DENND1A: variants seen among roughly 807,000 people sequenced by gnomAD.
The protein encoded by DENND1A is DENN domain-containing protein 1A.
Under a neutral mutation model 113.7 loss-of-function variants are expected in DENND1A, and 51 were observed. The observed-to-expected ratio is 0.45, with a 90% CI of 0.36 to 0.57. The LOEUF is 0.57. Among genes scored for constraint, DENND1A ranks in the 20% least tolerant of loss-of-function variants. The pLI is 0.00. For missense variants in DENND1A, 1,258 were observed against 1,395.9 expected, an observed-to-expected ratio of 0.90 and a Z score of 1.57; for synonymous variants, 565 against 570.8, an observed-to-expected ratio of 0.99 and a Z score of 0.14.
intron 1 of DENND1A, among the ~76,000 whole-genome samples, chr9:123,881,585 T>C (rs2133599210): frequency 6.6e-6 from 1 of 152,344 alleles, no homozygotes; most frequent in East Asian, 1.9e-4. Context: ...CCCACATTTT[T>C]ACTCAAGTTT....
intron 21 of DENND1A, 46 bp from the exon 22 acceptor site, chr9:123,387,904 C>T (rs879344649): frequency 7.5e-5 from 96 of 1,278,656 alleles, no homozygotes; most frequent in East Asian, 4.5e-4. Flanking sequence ...CAGTTAGGGG[C>T]GCCCTCAGAA....
At chr9:123,454,970 C>T (rs367912079) in intron 15 of DENND1A, among the ~76,000 whole-genome samples, 191 bp from the exon 16 acceptor site, 5 of 151,826 alleles carry the variant, frequency 3.3e-5, no homozygotes, top group Admixed American at 2.6e-4. Flanking sequence ...TACAGGTGCC[C>T]GCCACCACAC....
intron 13 of DENND1A, among the ~76,000 whole-genome samples, chr9:123,494,636 AAC>A (rs2051695588): frequency 6.6e-6 from 1 of 152,144 alleles, no homozygotes; most frequent in South Asian, 2.1e-4. Flanking sequence ...TATTAAAGGA[AAC>A]ACAGTCTGAT....
chr9:123,810,141 G>A (rs558931840), intron 2 of DENND1A, among the ~76,000 whole-genome samples: 1 of 152,236 alleles, frequency 6.6e-6, no homozygotes, highest in Admixed American at 6.5e-5. Flanking sequence ...GAATAACAAA[G>A]ATTACTGGCC....
intron 13 of DENND1A, among the ~76,000 whole-genome samples, chr9:123,513,104 T>TA (rs1380128053): frequency 4.6e-5 from 7 of 152,244 alleles, no homozygotes; most frequent in Non-Finnish European, 8.8e-5. Context: ...AAGGCCTGTT[T>TA]ACCTGTTGGC....
chr9:123,575,239 C>G (rs1411571271), intron 12 of DENND1A, among the ~76,000 whole-genome samples: 1 of 152,166 alleles, frequency 6.6e-6, no homozygotes, highest in Admixed American at 6.5e-5. Context: ...AAGGAGCACA[C>G]AACCTACATC....
chr9:123,442,877 G>T (rs1005735208), intron 18 of DENND1A, among the ~76,000 whole-genome samples: 1 of 152,140 alleles, frequency 6.6e-6, no homozygotes, highest in African/African-American at 2.4e-5. Flanking sequence ...CAAAGCTACT[G>T]GGAGAATGGG....
At chr9:123,615,087 G>A (rs1003210697) in intron 10 of DENND1A, among the ~76,000 whole-genome samples, 1 of 152,216 alleles carries the variant, frequency 6.6e-6, no homozygotes, top group Non-Finnish European at 1.5e-5. Context: ...CTTAGTGAGA[G>A]CGATGAGACA....
rs543717318 is a variant in DENND1A at position 123,914,581 on chromosome 9, G to T, written c.17+15308C>A. ...AAAAAAAAGAAATACCCAAGACTGG[G>T]TAATTGATAAAGAAAAGAGGTTTAA... On this transcript the variant is annotated intron_variant, in intron 1 of 23. Transcript: ENST00000394215. Among the ~76,000 whole-genome samples, 40 of 151,708 alleles carry T rather than the reference G, an allele frequency of 2.6e-4. No homozygotes were observed. In the South Asian group the frequency reaches 2.9e-3, roughly 11 times the overall value.
intron 11 of DENND1A, among the ~76,000 whole-genome samples, chr9:123,598,546 C>G (rs377368084): frequency 6.6e-6 from 1 of 151,222 alleles, no homozygotes; most frequent in African/African-American, 2.4e-5. Flanking sequence ...TTTATACCAG[C>G]GAAAATCTAA....
At chr9:123,815,652 A>C in intron 2 of DENND1A, among the ~76,000 whole-genome samples, 1 of 152,168 alleles carries the variant, frequency 6.6e-6, no homozygotes, top group East Asian at 1.9e-4. Flanking sequence ...TAAAAATATT[A>C]ATTTAATATT....
At chr9:123,545,346 G>A (rs2056591282) in intron 13 of DENND1A, among the ~76,000 whole-genome samples, 1 of 152,086 alleles carries the variant, frequency 6.6e-6, no homozygotes. Flanking sequence ...TGAGGGTGGG[G>A]ATGAAATCAA....
At chr9:123,449,550 G>C (rs1423152963) in intron 18 of DENND1A, among the ~76,000 whole-genome samples, 3 of 144,154 alleles carry the variant, frequency 2.1e-5, no homozygotes, top group Admixed American at 6.9e-5. Flanking sequence ...AAAAAAAAAA[G>C]GTGGCAACAA....
At chr9:123,584,436 G>A (rs1050208574) in intron 11 of DENND1A, among the ~76,000 whole-genome samples, 1 of 152,186 alleles carries the variant, frequency 6.6e-6, no homozygotes, top group African/African-American at 2.4e-5. Flanking sequence ...CCTGCCGAGT[G>A]GCACCAGTCG....
chr9:123,438,905 A>T (rs564824517), intron 19 of DENND1A, among the ~76,000 whole-genome samples: 11 of 152,244 alleles, frequency 7.2e-5, no homozygotes, highest in Non-Finnish European at 1.2e-4. Flanking sequence ...CGAAAATGGA[A>T]TGTTTAACAC....
chr9:123,887,659 G>A (rs867531867), intron 1 of DENND1A, among the ~76,000 whole-genome samples: 1 of 151,820 alleles, frequency 6.6e-6, no homozygotes, highest in Non-Finnish European at 1.5e-5. Context: ...TTCCCAGAGT[G>A]AGTGGGAGTC....
chr9:123,921,267 T>C (rs1330581533), intron 1 of DENND1A, among the ~76,000 whole-genome samples: 7 of 152,236 alleles, frequency 4.6e-5, no homozygotes, highest in Non-Finnish European at 2.9e-5. Context: ...ATATCTCTTT[T>C]AATTATCACA....
At chr9:123,664,700 C>A (rs1057121722) in intron 8 of DENND1A, among the ~76,000 whole-genome samples, 3 of 151,902 alleles carry the variant, frequency 2.0e-5, no homozygotes, top group African/African-American at 7.2e-5. Context: ...GATCCAACTG[C>A]TATTTCAAAT....
At chr9:123,797,422 A>C (rs905787485) in intron 2 of DENND1A, among the ~76,000 whole-genome samples, 1 of 152,198 alleles carries the variant, frequency 6.6e-6, no homozygotes, top group African/African-American at 2.4e-5. Context: ...TAGTCTAAGA[A>C]GTTGTATAGT....
Sources: gnomAD v4.1 joint callset for allele counts (sites outside exome capture counted in the v4.1 genomes callset) on GRCh38, gnomAD v4.1.1 for gene constraint, MANE v1.5 for transcripts, NCBI Gene and HGNC (gene_info 2026-07-23, HGNC 2026-07-21) for gene names.